The following SMYD2 variants were observed in gnomAD, a reference collection of about 807,000 sequenced individuals.
SMYD2 encodes N-lysine methyltransferase SMYD2.
Under a neutral mutation model 59.1 loss-of-function variants are expected in SMYD2, and 53 were observed. The ratio of observed to expected loss-of-function variants is 0.90; its 90% CI spans 0.72 to 1.13. The LOEUF (loss-of-function observed/expected upper bound fraction) is 1.13, where lower values mean the gene tolerates loss of function less well. Ranked by LOEUF, SMYD2 falls within the 50% of genes most tolerant of loss-of-function variation. The pLI is 0.00. For missense variants in SMYD2, 494 were observed against 544.7 expected (o/e 0.91, Z 0.93); for synonymous variants, 208 against 198.8 (o/e 1.05, Z -0.39).
chr1:214,328,087 C>G (rs1399929511), intron 7 of SMYD2, among the ~76,000 whole-genome samples: 3 of 152,152 alleles, frequency 2.0e-5, no homozygotes, highest in Non-Finnish European at 4.4e-5. Context: ...GTCTCTGTAT[C>G]CCTATTGCCA....
intron 8 of SMYD2, among the ~76,000 whole-genome samples, 199 bp from the exon 9 acceptor site, chr1:214,330,751 T>C (rs1003998482): frequency 1.3e-5 from 2 of 152,262 alleles, no homozygotes; most frequent in Non-Finnish European, 2.9e-5. Context: ...AAAATTAATC[T>C]TTTTGTTTTG....
rs895784237 is a variant in SMYD2, at chr1:214,336,685, T to C, written c.1222-19T>C. On this transcript the variant is annotated intron_variant, in intron 11 of 11. Transcript: ENST00000366957. ...AGATTGGCTTCTAGGCTCTCATTGT[T>C]TGTCTTGCTTTTTCCTAGGCCATTG... The C allele has an allele frequency of 6.2e-6, 10 of 1,612,058 alleles. No individual in the cohort carries two copies. The African/African-American group carries it at 8.0e-5, about 13-fold the overall frequency.
In SMYD2 at chr1:214,318,715, A is replaced by G; in HGVS notation, c.410-144A>G. ...CAGTTAAACCAAGTAATGGGGAAGA[A>G]TGTTCTCTGGGGGTTCAACATGTTA... On this transcript the variant is annotated intron_variant, in intron 4 of 11. Coordinates refer to ENST00000366957, the MANE Select transcript of SMYD2 (RefSeq NM_020197.3). This position sits in a 1 kb window ranked among gnomAD's most constrained non-coding sequence, Gnocchi z 5.4. 3 of 954,348 alleles carry G rather than the reference A, an allele frequency of 3.1e-6. No individual in the cohort carries two copies. The highest frequency in any genetic ancestry group is 1.5e-6 in the Non-Finnish European group (1 of 660,754). 59.1% of individuals were successfully genotyped at this position (954,348 alleles called of 1,614,324 possible).
At chr1:214,304,582 A>AAAAAAC (rs1656886913) in intron 1 of SMYD2, among the ~76,000 whole-genome samples, 1 of 150,908 alleles carries the variant, frequency 6.6e-6, no homozygotes, top group African/African-American at 2.4e-5. Flanking sequence ...AAAAAAAAAA[A>AAAAAAC]GCATCTATCT....
intron 1 of SMYD2, among the ~76,000 whole-genome samples, chr1:214,303,671 A>T (rs1656862144): frequency 6.6e-6 from 1 of 152,236 alleles, no homozygotes; most frequent in Non-Finnish European, 1.5e-5. Context: ...GAATTTTTGG[A>T]AGACTTCCTT....
At chr1:214,295,778 G>C (rs1656716785) in intron 1 of SMYD2, among the ~76,000 whole-genome samples, 1 of 152,204 alleles carries the variant, frequency 6.6e-6, no homozygotes, top group South Asian at 2.1e-4. Context: ...CCTGTAGCCT[G>C]AGTATTATCC....
chr1:214,308,236 C>T (rs1656945456), intron 2 of SMYD2, among the ~76,000 whole-genome samples: 1 of 152,230 alleles, frequency 6.6e-6, no homozygotes, highest in Non-Finnish European at 1.5e-5. Context: ...CAGGCTGGAT[C>T]TGACCTGTAA....
At chr1:214,281,488 A>T in intron 1 of SMYD2, 61 bp downstream of exon 1, 1 of 1,094,544 alleles carries the variant, frequency 9.1e-7, no homozygotes, top group Non-Finnish European at 1.1e-6. Flanking sequence ...GGAGGCTTGG[A>T]CGGCGGCGCC....
rs1452886202 is a variant in SMYD2 at position 214,332,119 on chromosome 1, A to G, written c.1039A>G (p.Met347Val). 4 of 1,614,086 alleles carry G rather than the reference A, an allele frequency of 2.5e-6. No individual in the cohort carries two copies. Among genetic ancestry groups the G allele is most frequent in the African/African-American group, 2.7e-5 (2 of 74,944 alleles). Reference sequence around the variant, plus strand: ...CATGTTGCACATGATGTACCAGGCCATGGGTGTCTGCTTGTACATGCAGGA... The same window carrying G: ...CATGTTGCACATGATGTACCAGGCCGTGGGTGTCTGCTTGTACATGCAGGA... ...VYMLHMMYQA[M>V]GVCLYMQDWE... Residue 347 changes from methionine (M) to valine (V), a missense_variant, in exon 10 of 12, where the codon ATG becomes GTG. Transcript: ENST00000366957.
intron 1 of SMYD2, among the ~76,000 whole-genome samples, chr1:214,285,322 T>A (rs1656519061): frequency 1.3e-5 from 2 of 152,196 alleles, no homozygotes; most frequent in Admixed American, 1.3e-4. Flanking sequence ...CCTGATGCTG[T>A]TTTCCTGAAG....
intron 1 of SMYD2, among the ~76,000 whole-genome samples, chr1:214,287,183 A>C (rs1265402191): frequency 6.6e-6 from 1 of 152,032 alleles, no homozygotes; most frequent in African/African-American, 2.4e-5. Context: ...AACTTAATTA[A>C]ATTGTGTGAT....
At chr1:214,282,522 C>T (rs1215680984) in intron 1 of SMYD2, among the ~76,000 whole-genome samples, 1 of 152,146 alleles carries the variant, frequency 6.6e-6, no homozygotes, top group Non-Finnish European at 1.5e-5. Flanking sequence ...ATGGAGATTC[C>T]TGGGCTGGAT....
intron 2 of SMYD2, among the ~76,000 whole-genome samples, chr1:214,306,604 A>G (rs975636194): frequency 7.9e-5 from 12 of 152,208 alleles, no homozygotes; most frequent in African/African-American, 2.9e-4. Flanking sequence ...AGGAAAGATC[A>G]TACTTTGCTC....
At chr1:214,292,367 T>G (rs745814933) in intron 1 of SMYD2, among the ~76,000 whole-genome samples, 2 of 152,204 alleles carry the variant, frequency 1.3e-5, no homozygotes, top group Non-Finnish European at 2.9e-5. Flanking sequence ...TCTATGTCCC[T>G]CTTTGCCTGG....
chr1:214,282,295 G>A (rs977936054), intron 1 of SMYD2, among the ~76,000 whole-genome samples: 1 of 152,210 alleles, frequency 6.6e-6, no homozygotes, highest in Non-Finnish European at 1.5e-5. Flanking sequence ...CTAAAGCCCA[G>A]AGAGAAAGTG....
intron 2 of SMYD2, 45 bp downstream of exon 2, chr1:214,305,295 GTCC>G: frequency 1.3e-6 from 2 of 1,550,788 alleles, no homozygotes; most frequent in Middle Eastern, 1.7e-4. Context: ...TTCCTCTGAA[GTCC>G]TCCTCTTCCT....
intron 5 of SMYD2, among the ~76,000 whole-genome samples, chr1:214,321,016 A>G (rs1657164601): frequency 6.6e-6 from 1 of 152,202 alleles, no homozygotes; most frequent in South Asian, 2.1e-4. Flanking sequence ...AAATAAACAT[A>G]AAGTATCTAC....
intron 3 of SMYD2, among the ~76,000 whole-genome samples, chr1:214,315,717 T>C (rs1657075367): frequency 1.3e-5 from 2 of 152,202 alleles, no homozygotes; most frequent in Admixed American, 6.5e-5. Flanking sequence ...CCAGGGCTTA[T>C]ATACCATAGG....
intron 1 of SMYD2, among the ~76,000 whole-genome samples, chr1:214,293,293 A>G (rs1206877655): frequency 6.6e-6 from 1 of 152,030 alleles, no homozygotes; most frequent in African/African-American, 2.4e-5. Flanking sequence ...ACCTCAGGTG[A>G]TCTACCCACC....
Sources: gnomAD v4.1 joint callset for allele counts (sites outside exome capture counted in the v4.1 genomes callset) on GRCh38, gnomAD v4.1.1 for gene constraint, Gnocchi (gnomAD v3.1) non-coding constraint, MANE v1.5 for transcripts, NCBI Gene and HGNC (gene_info 2026-07-23, HGNC 2026-07-21) for gene names.